The following EIF4H variants were observed in gnomAD, a reference collection of about 807,000 sequenced individuals.
EIF4H encodes the protein Williams-Beuren syndrome chromosome region 1.
EIF4H carries 8 observed loss-of-function variants against 30.6 expected under a neutral mutation model. The ratio of observed to expected loss-of-function variants is 0.26; its 90% confidence interval spans 0.15 to 0.47. The LOEUF is 0.47. Among genes scored for constraint, EIF4H ranks in the 20% least tolerant of loss-of-function variants. The pLI is 0.99. For missense variants in EIF4H, 188 were observed against 339.5 expected (o/e 0.55, Z 3.51); for synonymous variants, 106 against 122.7 (o/e 0.86, Z 0.90).
intron 1 of EIF4H, among the ~76,000 whole-genome samples, chr7:74,180,111 C>G (rs1373234305): frequency 2.6e-5 from 4 of 152,090 alleles, no homozygotes; most frequent in African/African-American, 9.7e-5. Flanking sequence ...GCTAGAGGAT[C>G]ACTTGAGTCC....
intron 1 of EIF4H, among the ~76,000 whole-genome samples, chr7:74,185,170 T>G (rs1181400485): frequency 6.6e-6 from 1 of 151,896 alleles, no homozygotes; most frequent in Admixed American, 6.6e-5. Context: ...TTTTTGTATT[T>G]TTTATAGAGA....
chr7:74,182,482 C>G (rs900305643), intron 1 of EIF4H, among the ~76,000 whole-genome samples: 1 of 152,230 alleles, frequency 6.6e-6, no homozygotes, highest in African/African-American at 2.4e-5. Context: ...TGAGCCATGG[C>G]GTCCGGCCAG....
intron 2 of EIF4H, among the ~76,000 whole-genome samples, chr7:74,188,700 T>G (rs1801142651): frequency 6.6e-6 from 1 of 152,176 alleles, no homozygotes; most frequent in Non-Finnish European, 1.5e-5. Flanking sequence ...TGGGTGAGCC[T>G]AGCCTTTGGG....
At chr7:74,187,099 T>C (rs1554709298) in intron 1 of EIF4H, among the ~76,000 whole-genome samples, 1 of 152,156 alleles carries the variant, frequency 6.6e-6, no homozygotes, top group African/African-American at 2.4e-5. Flanking sequence ...ATACAGATTC[T>C]GAGTGAATAG....
At chr7:74,174,509 G>C in intron 1 of EIF4H, 67 bp downstream of exon 1, 2 of 1,225,714 alleles carry the variant, frequency 1.6e-6, no homozygotes, top group Non-Finnish European at 2.1e-6. Context: ...CGTCAGGGTG[G>C]CGGCCGTCCT....
intron 5 of EIF4H, among the ~76,000 whole-genome samples, chr7:74,192,956 G>A (rs1291236934): frequency 6.6e-6 from 1 of 152,180 alleles, no homozygotes; most frequent in Non-Finnish European, 1.5e-5. Flanking sequence ...GGGATTACAG[G>A]CGTGAGCCAC....
chr7:74,177,767 G>C (rs1554707887), intron 1 of EIF4H, among the ~76,000 whole-genome samples: 1 of 152,138 alleles, frequency 6.6e-6, no homozygotes, highest in Non-Finnish European at 1.5e-5. Flanking sequence ...TATGAAAAGT[G>C]TTACCAGAAA....
intron 1 of EIF4H, among the ~76,000 whole-genome samples, chr7:74,185,525 C>G (rs1554709070): frequency 6.6e-6 from 1 of 151,680 alleles, no homozygotes; most frequent in Non-Finnish European, 1.5e-5. Flanking sequence ...GTGGAACTTC[C>G]TATTGGAAAG....
chr7:74,188,432 A>G (rs539263799), intron 2 of EIF4H, among the ~76,000 whole-genome samples: 1 of 152,238 alleles, frequency 6.6e-6, no homozygotes, highest in East Asian at 1.9e-4. Context: ...AGGACCCAGG[A>G]TGTTTGGCCC....
In EIF4H at chr7:74,188,714, G is replaced by A. The variant is rs1801142936; in HGVS notation, c.247+916G>A. Among the ~76,000 whole-genome samples, 7 of 152,264 alleles carry A rather than the reference G, an allele frequency of 4.6e-5. 1 individual carries two copies. In the South Asian group the frequency reaches 1.5e-3, roughly 32 times the overall value. On this transcript the variant is annotated intron_variant, in intron 2 of 6. Coordinates refer to ENST00000265753, the MANE Select transcript of EIF4H (RefSeq NM_022170.2). ...GTGGGTGAGCCTAGCCTTTGGGCTGGGTCAGTCGCTGCAGGCTTTGGAGTT... is the reference window on the plus strand; with the variant it reads ...GTGGGTGAGCCTAGCCTTTGGGCTGAGTCAGTCGCTGCAGGCTTTGGAGTT...
chr7:74,191,606 T>A (rs111412030), intron 5 of EIF4H, among the ~76,000 whole-genome samples: 3,325 of 152,228 alleles, frequency 0.022, 113 homozygotes, highest in African/African-American at 0.074. Context: ...AGGATGGTGC[T>A]ATTTTTTTTA....
rs1405971633 is a variant in EIF4H at position 74,190,385 on chromosome 7, C to T, written c.469+79C>T. 2.9e-6 allele frequency: 4 copies of T among 1,372,872 alleles called. No individual in the cohort carries two copies. The African/African-American group carries it at 4.3e-5, about 15-fold the overall frequency. 85.0% of individuals were successfully genotyped at this position (1,372,872 alleles called of 1,614,324 possible). On this transcript the variant is annotated intron_variant, in intron 5 of 6. Transcript: ENST00000265753. Reference sequence around the variant, plus strand: ...TTCTCTGTTTCTTACGAGTAGCCCGCCTGGCCGGACTACTTATTTAGTTCC... The same window carrying T: ...TTCTCTGTTTCTTACGAGTAGCCCGTCTGGCCGGACTACTTATTTAGTTCC...
At chr7:74,174,574 C>T (rs1242358302) in intron 1 of EIF4H, 132 bp downstream of exon 1, 20 of 864,198 alleles carry the variant, frequency 2.3e-5, no homozygotes, top group Non-Finnish European at 2.4e-5. Context: ...GGAGCGGCGC[C>T]TGGAGGGCCG....
rs782674081 is a variant in EIF4H, at chr7:74,190,257, C to T, written c.420C>T (p.Ser140=). Residue 140 remains serine (S), a synonymous_variant, in exon 5 of 7, where the codon AGC becomes AGT. Transcript: ENST00000265753. ...KGGPDDRGMG[S]SRESRGGWDS... The stretch of plus-strand genomic sequence containing the variant: ...TTTGTGTATCCTCAGGAATGGGTAG[C>T]TCTCGAGAATCTAGAGGTGGATGGG... 12 of 1,614,178 alleles carry T rather than the reference C, an allele frequency of 7.4e-6. No individual in the cohort carries two copies. The East Asian group carries it at 2.2e-4, about 30-fold the overall frequency.
chr7:74,187,889 G>C, intron 2 of EIF4H, 91 bp downstream of exon 2: 2 of 1,378,170 alleles, frequency 1.5e-6, no homozygotes, highest in Non-Finnish European at 1.9e-6. Flanking sequence ...GTGAACCAGA[G>C]GCTGTAATCA....
chr7:74,190,048 T>G, intron 4 of EIF4H, 130 bp downstream of exon 4: 6 of 1,233,424 alleles, frequency 4.9e-6, no homozygotes, highest in Non-Finnish European at 6.7e-6. Context: ...TCTTAAAAGT[T>G]TGCGTAAAAT....
intron 1 of EIF4H, among the ~76,000 whole-genome samples, chr7:74,182,069 T>G (rs1800974675): frequency 6.6e-6 from 1 of 152,214 alleles, no homozygotes; most frequent in African/African-American, 2.4e-5. Flanking sequence ...GCTTCTTTTT[T>G]TTCTTTAACC....
chr7:74,183,311 A>G (rs1801006893), intron 1 of EIF4H, among the ~76,000 whole-genome samples: 1 of 152,156 alleles, frequency 6.6e-6, no homozygotes, highest in Non-Finnish European at 1.5e-5. Context: ...AGGTGTCCTG[A>G]ATTGGCACGC....
chr7:74,178,324 C>T (rs923994830), intron 1 of EIF4H, among the ~76,000 whole-genome samples: 2 of 152,078 alleles, frequency 1.3e-5, no homozygotes, highest in East Asian at 1.9e-4. Flanking sequence ...CCGAAGCAGG[C>T]GGATCACTTG....
Sources: allele counts gnomAD v4.1 joint callset (sites outside exome capture counted in the v4.1 genomes callset), GRCh38; gene constraint gnomAD v4.1.1; transcripts MANE v1.5; gene names NCBI Gene and HGNC (gene_info 2026-07-23, HGNC 2026-07-21).